Variants in PTPRK observed in about 807,000 individuals in gnomAD.
PTPRK encodes the protein protein tyrosine phosphatase receptor type K.
In PTPRK, 75 loss-of-function variants were observed where a neutral mutation model predicts 178.0. The observed-to-expected ratio is 0.42, with a 90% confidence interval of 0.35 to 0.51. The LOEUF is 0.51. Among genes scored for constraint, PTPRK ranks in the 20% least tolerant of loss-of-function variants. The pLI is 0.02. For missense variants in PTPRK, 1,441 were observed against 1,797.8 expected, an observed-to-expected ratio of 0.80 and a Z score of 3.59; for synonymous variants, 637 against 620.6, an observed-to-expected ratio of 1.03 and a Z score of -0.39.
chr6:128,459,263 G>T (rs1848743494), intron 1 of PTPRK, among the ~76,000 whole-genome samples: 1 of 152,004 alleles, frequency 6.6e-6, no homozygotes, highest in Non-Finnish European at 1.5e-5. Flanking sequence ...AATGGTCAGG[G>T]CATGGCATCA....
At chr6:128,077,086 C>A (rs895124207) in intron 11 of PTPRK, among the ~76,000 whole-genome samples, 3 of 151,726 alleles carry the variant, frequency 2.0e-5, no homozygotes, top group Non-Finnish European at 4.4e-5. Flanking sequence ...TTGAATTCAC[C>A]CAAATATCTA....
intron 1 of PTPRK, among the ~76,000 whole-genome samples, chr6:128,414,823 T>C (rs939511910): frequency 6.6e-6 from 1 of 152,208 alleles, no homozygotes; most frequent in Non-Finnish European, 1.5e-5. Flanking sequence ...TATTATTTAA[T>C]ATTTATGAAT....
rs77238399 is a variant in PTPRK at position 128,137,141 on chromosome 6, T to C, written c.1163-47149A>G. On this transcript the variant is annotated intron_variant, in intron 7 of 29. Transcript: ENST00000368226. ...CTCATTTAATTACTTTCTGAATACA[T>C]ACTAAAACAGATAGGTACTTGCAGA... Among the ~76,000 whole-genome samples, 925 of 152,296 alleles carry C rather than the reference T, an allele frequency of 6.1e-3. 5 individuals are homozygous for C. Among genetic ancestry groups the C allele is most frequent in the African/African-American group, 0.021 (877 of 41,572 alleles).
chr6:128,236,104 C>T (rs1308519581), intron 5 of PTPRK, among the ~76,000 whole-genome samples: 2 of 152,018 alleles, frequency 1.3e-5, no homozygotes, highest in Non-Finnish European at 2.9e-5. Context: ...TGGTTTCAGG[C>T]ATCCACTGGG....
At chr6:128,473,051 T>C (rs1015203337) in intron 1 of PTPRK, among the ~76,000 whole-genome samples, 25 of 152,100 alleles carry the variant, frequency 1.6e-4, no homozygotes, top group African/African-American at 6.0e-4. Flanking sequence ...TTCTCCATAA[T>C]GTCCTTTTTA....
At chr6:127,981,013 T>G in intron 25 of PTPRK, 103 bp downstream of exon 25, 1 of 1,161,938 alleles carries the variant, frequency 8.6e-7, no homozygotes, top group Non-Finnish European at 1.2e-6. Flanking sequence ...ACTTTTCCTT[T>G]TTAGGTTATT....
In PTPRK at chr6:128,133,044, C is replaced by A. The variant is rs1043623229; in HGVS notation, c.1163-43052G>T. 2.6e-5 allele frequency among the ~76,000 whole-genome samples: 4 copies of A among 152,090 alleles called. No individual in the cohort carries two copies. The South Asian group carries it at 8.3e-4, about 32-fold the overall frequency. On this transcript the variant is annotated intron_variant, in intron 7 of 29. Coordinates refer to ENST00000368226, the MANE Select transcript of PTPRK (RefSeq NM_002844.4). Reference sequence around the variant, plus strand: ...AACAAAAACTCATTAGTCAAAAATTCCACCATAAAAAAGATACGTGCATGC... The same window carrying A: ...AACAAAAACTCATTAGTCAAAAATTACACCATAAAAAAGATACGTGCATGC...
intron 7 of PTPRK, among the ~76,000 whole-genome samples, chr6:128,150,385 T>A (rs953407616): frequency 2.0e-5 from 3 of 152,272 alleles, no homozygotes; most frequent in East Asian, 3.9e-4. Context: ...AACTCTACCA[T>A]TGTTTATGAA....
intron 13 of PTPRK, among the ~76,000 whole-genome samples, chr6:128,029,478 C>T (rs1423508173): frequency 3.3e-5 from 5 of 151,812 alleles, no homozygotes; most frequent in South Asian, 2.1e-4. Flanking sequence ...TGGTGAAACC[C>T]GATCACTACT....
chr6:128,299,685 C>A (rs1279474011), intron 3 of PTPRK, among the ~76,000 whole-genome samples: 1 of 152,074 alleles, frequency 6.6e-6, no homozygotes, highest in African/African-American at 2.4e-5. Flanking sequence ...AAAGCTGAAA[C>A]TGGATCCCTT....
chr6:128,122,242 T>C (rs1014372071), intron 7 of PTPRK, among the ~76,000 whole-genome samples: 2 of 152,116 alleles, frequency 1.3e-5, no homozygotes, highest in Non-Finnish European at 2.9e-5. Context: ...AAATAGCACA[T>C]GTGTGCATGT....
intron 6 of PTPRK, among the ~76,000 whole-genome samples, chr6:128,203,439 A>T (rs977249340): frequency 6.6e-6 from 1 of 152,214 alleles, no homozygotes; most frequent in Non-Finnish European, 1.5e-5. Flanking sequence ...GCAATCAGGC[A>T]AGACAAAGAA....
intron 1 of PTPRK, among the ~76,000 whole-genome samples, chr6:128,442,335 C>G (rs1846384981): frequency 6.6e-6 from 1 of 152,148 alleles, no homozygotes; most frequent in African/African-American, 2.4e-5. Context: ...TCTCTGTCCA[C>G]CTTCTTTTCC....
chr6:128,237,528 C>G (rs181506076), intron 5 of PTPRK, among the ~76,000 whole-genome samples: 1 of 152,140 alleles, frequency 6.6e-6, no homozygotes, highest in East Asian at 1.9e-4. Flanking sequence ...TTTCAAGCCA[C>G]CAAAAATAAC....
At chr6:128,428,398 G>A (rs1335443073) in intron 1 of PTPRK, among the ~76,000 whole-genome samples, 1 of 152,112 alleles carries the variant, frequency 6.6e-6, no homozygotes, top group Non-Finnish European at 1.5e-5. Context: ...TCTTTCAACT[G>A]TTCAGTAAAT....
intron 7 of PTPRK, among the ~76,000 whole-genome samples, chr6:128,170,104 G>A (rs187131260): frequency 2.0e-5 from 3 of 151,998 alleles, no homozygotes; most frequent in East Asian, 1.9e-4. Flanking sequence ...TTGGACTATC[G>A]TATGTAAAAT....
intron 22 of PTPRK, among the ~76,000 whole-genome samples, 188 bp from the exon 23 acceptor site, chr6:127,983,565 G>T (rs1167118730): frequency 6.6e-6 from 1 of 152,092 alleles, no homozygotes; most frequent in Non-Finnish European, 1.5e-5. Flanking sequence ...ATCTGCTTTG[G>T]TATAAACTAA....
intron 7 of PTPRK, among the ~76,000 whole-genome samples, chr6:128,170,154 T>C (rs952169723): frequency 6.6e-6 from 1 of 152,042 alleles, no homozygotes; most frequent in African/African-American, 2.4e-5. Flanking sequence ...AGAAACTTCA[T>C]GAAACAAACA....
At chr6:127,992,622 T>C (rs749042040) in intron 19 of PTPRK, 51 bp downstream of exon 19, 12 of 1,482,140 alleles carry the variant, frequency 8.1e-6, no homozygotes, top group Non-Finnish European at 1.1e-5. Flanking sequence ...ACCACATAGA[T>C]GAATAAGCAA....
Sources: allele counts gnomAD v4.1 joint callset (sites outside exome capture counted in the v4.1 genomes callset), GRCh38; gene constraint gnomAD v4.1.1; transcripts MANE v1.5; gene names NCBI Gene and HGNC (gene_info 2026-07-23, HGNC 2026-07-21).